TRAPPC9: variants seen among roughly 807,000 people sequenced by gnomAD.
TRAPPC9 encodes the protein trafficking protein particle complex subunit 9.
In TRAPPC9, 83 loss-of-function variants were observed where a neutral mutation model predicts 124.0. That is an observed-to-expected ratio of 0.67 (90% CI 0.56 to 0.80). The LOEUF (loss-of-function observed/expected upper bound fraction) is 0.80, where lower values mean the gene tolerates loss of function less well. Among genes scored for constraint, TRAPPC9 ranks in the 30% least tolerant of loss-of-function variants. The probability of loss-of-function intolerance (pLI) is 0.00; values close to 1 mark genes in which losing one functional copy is unlikely to be tolerated. For synonymous variants in TRAPPC9, 638 were observed against 617.5 expected, an observed-to-expected ratio of 1.03 and a Z score of -0.49; for missense variants, 1,302 against 1,508.3, an observed-to-expected ratio of 0.86 and a Z score of 2.27.
chr8:140,224,162 T>C (rs1239292128), intron 16 of TRAPPC9, among the ~76,000 whole-genome samples: 1 of 152,156 alleles, frequency 6.6e-6, no homozygotes, highest in Non-Finnish European at 1.5e-5. Flanking sequence ...GTCCACCTGA[T>C]GTCCCACAAG....
chr8:140,431,599 G>A (rs73356501), intron 4 of TRAPPC9, among the ~76,000 whole-genome samples: 4,176 of 152,082 alleles, frequency 0.027, 191 homozygotes, highest in African/African-American at 0.09. Context: ...ATAGCTAATG[G>A]TCGTGAGATA....
At chr8:140,081,347 T>TTTC (rs1843806037) in intron 17 of TRAPPC9, among the ~76,000 whole-genome samples, 2 of 13,546 alleles carry the variant, frequency 1.5e-4, no homozygotes, top group Admixed American at 2.5e-3. Context: ...AAATGAATGC[T>TTTC]TTTTTTTTTT....
chr8:139,938,389 A>T (rs1009525423), intron 19 of TRAPPC9, among the ~76,000 whole-genome samples: 1 of 151,740 alleles, frequency 6.6e-6, no homozygotes, highest in Non-Finnish European at 1.5e-5. Context: ...GGTTCACGCC[A>T]TTCTCCTGCC....
intron 17 of TRAPPC9, among the ~76,000 whole-genome samples, chr8:140,166,398 T>C (rs1247223703): frequency 1.3e-5 from 2 of 152,220 alleles, no homozygotes; most frequent in East Asian, 1.9e-4. Context: ...TGGAAGGCCA[T>C]GCTCTCAGTC....
In TRAPPC9 at chr8:140,330,069, AACTC is replaced by A. The variant is rs2066856611; in HGVS notation, c.1496-18699_1496-18696del. ...ACTCCAGCCTGGGCAACAAGAGCGA[AACTC>A]AGTCTCAAAACAAAACAAAACACCT... On this transcript the variant is annotated intron_variant, in intron 9 of 22. Coordinates refer to ENST00000438773, the MANE Select transcript of TRAPPC9 (RefSeq NM_001160372.4). Among the ~76,000 whole-genome samples, 3 of 152,022 alleles carry A rather than the reference AACTC, an allele frequency of 2.0e-5. No homozygotes were observed. The South Asian group carries it at 6.2e-4, about 32-fold the overall frequency.
At chr8:140,219,482 C>A (rs1057179042) in intron 17 of TRAPPC9, among the ~76,000 whole-genome samples, 1 of 152,212 alleles carries the variant, frequency 6.6e-6, no homozygotes, top group Non-Finnish European at 1.5e-5. Flanking sequence ...AGGGACCTCA[C>A]GGAGAGTTAA....
At chr8:139,975,169 A>T (rs977262265) in intron 19 of TRAPPC9, among the ~76,000 whole-genome samples, 2 of 152,144 alleles carry the variant, frequency 1.3e-5, no homozygotes, top group South Asian at 4.1e-4. Context: ...GCCCTAGACG[A>T]GACTTTCCAC....
chr8:140,126,293 C>T (rs2130661929), intron 17 of TRAPPC9, among the ~76,000 whole-genome samples: 1 of 151,564 alleles, frequency 6.6e-6, no homozygotes. Flanking sequence ...CACGGTGGGC[C>T]CCATCTGGAG....
intron 17 of TRAPPC9, among the ~76,000 whole-genome samples, chr8:140,090,834 G>A (rs552115567): frequency 1.3e-5 from 2 of 152,230 alleles, no homozygotes; most frequent in Admixed American, 6.5e-5. Flanking sequence ...CATTGACAGC[G>A]GAGGCCAACA....
intron 19 of TRAPPC9, among the ~76,000 whole-genome samples, chr8:139,982,837 C>G (rs1034114872): frequency 3.9e-5 from 6 of 152,206 alleles, no homozygotes; most frequent in African/African-American, 1.2e-4. Context: ...TCTAAAAACT[C>G]TAATATTCAC....
chr8:140,205,323 CA>C (rs1268688671), intron 17 of TRAPPC9, among the ~76,000 whole-genome samples: 13 of 152,192 alleles, frequency 8.5e-5, no homozygotes, highest in African/African-American at 3.1e-4. Context: ...CTGAAGTCTA[CA>C]GTAAATGTGT....
chr8:140,214,639 T>G (rs1419831341), intron 17 of TRAPPC9, among the ~76,000 whole-genome samples: 1 of 152,226 alleles, frequency 6.6e-6, no homozygotes, highest in African/African-American at 2.4e-5. Context: ...CAGAGGGGGA[T>G]GCTGAGAGTC....
chr8:139,856,346 A>AT (rs58717941), intron 21 of TRAPPC9, among the ~76,000 whole-genome samples: 16,832 of 151,874 alleles, frequency 0.11, 1,078 homozygotes, highest in South Asian at 0.24. Context: ...CTCTCCGGGG[A>AT]TTTTTTCCTG....
intron 19 of TRAPPC9, among the ~76,000 whole-genome samples, chr8:139,924,862 C>T (rs1460193809): frequency 6.6e-6 from 1 of 152,210 alleles, no homozygotes; most frequent in Admixed American, 6.5e-5. Flanking sequence ...AACTCAAGGG[C>T]TCATTACATG....
At chr8:140,455,008 A>G (rs2071602738) in intron 1 of TRAPPC9, among the ~76,000 whole-genome samples, 1 of 152,186 alleles carries the variant, frequency 6.6e-6, no homozygotes, top group African/African-American at 2.4e-5. Context: ...TACAGGTATT[A>G]AAACAGCAAA....
intron 17 of TRAPPC9, 81 bp downstream of exon 17, chr8:140,221,378 G>A: frequency 2.5e-6 from 4 of 1,584,400 alleles, no homozygotes; most frequent in Non-Finnish European, 3.5e-6. Context: ...TTTCTGAAAA[G>A]GACTCAGAGC....
intron 16 of TRAPPC9, among the ~76,000 whole-genome samples, chr8:140,246,649 A>T (rs560500335): frequency 6.6e-6 from 1 of 152,276 alleles, no homozygotes; most frequent in African/African-American, 2.4e-5. Context: ...ATGAGTACTA[A>T]CACTATCTCT....
intron 14 of TRAPPC9, among the ~76,000 whole-genome samples, chr8:140,276,994 C>A (rs1229022167): frequency 6.6e-6 from 1 of 152,188 alleles, no homozygotes; most frequent in Non-Finnish European, 1.5e-5. Context: ...GACCACCCCA[C>A]TCCAGACACT....
intron 17 of TRAPPC9, among the ~76,000 whole-genome samples, chr8:140,160,395 C>A (rs989004589): frequency 2.0e-5 from 3 of 152,120 alleles, no homozygotes; most frequent in African/African-American, 7.2e-5. Context: ...TGGAACCAAC[C>A]CAAACGTCCA....
Sources: gnomAD v4.1 joint callset for allele counts (sites outside exome capture counted in the v4.1 genomes callset) on GRCh38, gnomAD v4.1.1 for gene constraint, MANE v1.5 for transcripts, NCBI Gene and HGNC (gene_info 2026-07-23, HGNC 2026-07-21) for gene names.